The following TRAP1 variants were observed in gnomAD, a reference collection of about 807,000 sequenced individuals.
TRAP1 encodes heat shock protein 75 kDa, mitochondrial.
Under a neutral mutation model 89.1 loss-of-function variants are expected in TRAP1, and 102 were observed. That is an observed-to-expected ratio of 1.15 (90% CI 0.98 to 1.35). The LOEUF is 1.35. Ranked by LOEUF, TRAP1 falls within the 40% of genes most tolerant of loss-of-function variation. The pLI is 0.00. For synonymous variants in TRAP1, 508 were observed against 388.0 expected, an observed-to-expected ratio of 1.31 and a Z score of -3.64; for missense variants, 1,256 against 945.3, an observed-to-expected ratio of 1.33 and a Z score of -4.31.
At chr16:3,684,316 G>C (rs1454828057) in intron 4 of TRAP1, among the ~76,000 whole-genome samples, 1 of 152,188 alleles carries the variant, frequency 6.6e-6, no homozygotes, top group Non-Finnish European at 1.5e-5. Context: ...ATTCAAGCTA[G>C]ACAGTGATAA....
rs899619590 is a variant in TRAP1, at chr16:3,663,525, A to T, written c.1607T>A (p.Leu536Gln). The T allele has an allele frequency of 3.1e-6, 5 of 1,614,152 alleles. No individual in the cohort carries two copies. The highest frequency in any genetic ancestry group is 4.2e-6 in the Non-Finnish European group (5 of 1,180,024). ...FCFEQFDELT[L>Q]LHLREFDKKK... ...CTTGTCAAACTCACGAAGGTGCAGC[A>T]GGGTGAGCTCATCAAACTGCTCAAA... Residue 536 changes from leucine (L) to glutamine (Q), a missense_variant, in exon 14 of 18, where the codon CTG becomes CAG. Coordinates refer to ENST00000246957, the MANE Select transcript of TRAP1 (RefSeq NM_016292.3).
At chr16:3,694,749 A>G (rs2051263717) in intron 1 of TRAP1, among the ~76,000 whole-genome samples, 1 of 152,144 alleles carries the variant, frequency 6.6e-6, no homozygotes, top group African/African-American at 2.4e-5. Context: ...AAGCACTAGG[A>G]TGACAGGTAT....
chr16:3,684,197 G>A (rs1401501898), intron 4 of TRAP1, among the ~76,000 whole-genome samples: 1 of 152,072 alleles, frequency 6.6e-6, no homozygotes, highest in African/African-American at 2.4e-5. Context: ...GAATTTGTGA[G>A]GGTTTACAAC....
intron 16 of TRAP1, chr16:3,659,074 T>TGTA: frequency 1.8e-6 from 1 of 561,092 alleles, no homozygotes; most frequent in East Asian, 3.1e-5. Flanking sequence ...TAGAAAATGC[T>TGTA]GTAAGGTAGC....
chr16:3,705,864 T>C (rs2051436209), intron 1 of TRAP1, among the ~76,000 whole-genome samples: 1 of 150,382 alleles, frequency 6.6e-6, no homozygotes, highest in South Asian at 2.1e-4. Context: ...TATATATATA[T>C]TTTTTTTTAG....
At chr16:3,697,137 C>G (rs2051298888) in intron 1 of TRAP1, among the ~76,000 whole-genome samples, 1 of 152,196 alleles carries the variant, frequency 6.6e-6, no homozygotes, top group African/African-American at 2.4e-5. Context: ...TCCTACATTC[C>G]TGCCAAGTCA....
intron 1 of TRAP1, among the ~76,000 whole-genome samples, chr16:3,693,742 C>T (rs908609849): frequency 2.6e-5 from 4 of 152,150 alleles, no homozygotes; most frequent in African/African-American, 9.7e-5. Context: ...CCTGTAATCC[C>T]AGCACTTTGG....
intron 11 of TRAP1, among the ~76,000 whole-genome samples, chr16:3,668,223 A>T (rs1230172975): frequency 6.6e-6 from 1 of 151,220 alleles, no homozygotes; most frequent in Non-Finnish European, 1.5e-5. Flanking sequence ...CGCCCAGCCT[A>T]ATTTTTCTAT....
intron 1 of TRAP1, among the ~76,000 whole-genome samples, chr16:3,714,752 T>C (rs1452196913): frequency 1.3e-5 from 2 of 152,114 alleles, no homozygotes; most frequent in African/African-American, 2.4e-5. Context: ...GCTGAGCTCA[T>C]GGGTGACTGA....
At chr16:3,669,691 G>A (rs1423231529) in intron 11 of TRAP1, among the ~76,000 whole-genome samples, 1 of 151,818 alleles carries the variant, frequency 6.6e-6, no homozygotes, top group Non-Finnish European at 1.5e-5. Context: ...AAAATTAGCT[G>A]GGCGTGGTGG....
intron 1 of TRAP1, among the ~76,000 whole-genome samples, chr16:3,698,323 T>C (rs554928431): frequency 6.6e-6 from 1 of 152,050 alleles, no homozygotes; most frequent in South Asian, 2.1e-4. Flanking sequence ...AACAACTTTT[T>C]TTTTTTTTTT....
chr16:3,664,091 C>A (rs2050763696), intron 13 of TRAP1, 183 bp downstream of exon 13: 2 of 618,416 alleles, frequency 3.2e-6, no homozygotes, highest in South Asian at 5.5e-5. Flanking sequence ...CAAAAAAAAC[C>A]ACATGTGACC....
chr16:3,689,088 G>A lies in TRAP1; in HGVS notation c.297C>T (p.Asp99=), dbSNP rs1379007462. The part of the protein sequence containing the change: ...EFQAETKKLL[D]IVARSLYSEK... ...CTGAGTACAGGGACCGGGCAACAAT[G>A]TCCAAAAGCTTCTTTGTCTCGGCCT... The change falls in exon 3 of 18, where the codon GAC becomes GAT. Residue 99 remains aspartate (D), a synonymous_variant. Coordinates refer to ENST00000246957, the MANE Select transcript of TRAP1 (RefSeq NM_016292.3). 1.9e-6 allele frequency: 3 copies of A among 1,614,046 alleles called. No individual in the cohort carries two copies. Among genetic ancestry groups the A allele is most frequent in the Non-Finnish European group, 2.5e-6 (3 of 1,179,978 alleles).
intron 13 of TRAP1, chr16:3,663,979 C>A: frequency 2.7e-6 from 1 of 364,230 alleles, no homozygotes; most frequent in African/African-American, 2.1e-5. Flanking sequence ...AGGAGAATGA[C>A]CTGAACCCAG....
In TRAP1 at chr16:3,662,956, G is replaced by A. The variant is rs751304938; in HGVS notation, c.1720C>T (p.Leu574=). 5 of 1,610,258 alleles carry A rather than the reference G, an allele frequency of 3.1e-6. No individual in the cohort carries two copies. In the East Asian group the frequency reaches 1.1e-4, roughly 36 times the overall value. Residue 574 remains leucine, a synonymous_variant, in exon 15 of 18, where the codon CTA becomes TTA. Transcript: ENST00000246957. ...AGCTCCTCCGTCTCCTTCTCTGATA[G>A]GCACTCGGCGGCTGCGGAAGAGCAG... ...FEDRSPAAEC[L]SEKETEELMA...
intron 1 of TRAP1, chr16:3,710,402 G>T (rs2051512915): frequency 6.6e-6 from 1 of 152,170 alleles, no homozygotes; most frequent in African/African-American, 2.4e-5. Flanking sequence ...TTTTGATGTG[G>T]GGACACTTCA....
At chr16:3,706,948 T>C (rs952419271) in intron 1 of TRAP1, among the ~76,000 whole-genome samples, 4 of 152,168 alleles carry the variant, frequency 2.6e-5, no homozygotes, top group African/African-American at 9.7e-5. Context: ...GCTGCAAGAA[T>C]GTTTTCCTGC....
At chr16:3,694,181 G>A (rs865815230) in intron 1 of TRAP1, among the ~76,000 whole-genome samples, 7 of 152,006 alleles carry the variant, frequency 4.6e-5, no homozygotes, top group African/African-American at 9.7e-5. Flanking sequence ...TTCTCTATGT[G>A]AGTCCTGGCT....
chr16:3,695,738 C>T (rs1452980607), intron 1 of TRAP1, among the ~76,000 whole-genome samples: 1 of 152,092 alleles, frequency 6.6e-6, no homozygotes, highest in African/African-American at 2.4e-5. Context: ...CCTCAGAGGA[C>T]AGCACACCAT....
Sources: allele counts gnomAD v4.1 joint callset (sites outside exome capture counted in the v4.1 genomes callset), GRCh38; gene constraint gnomAD v4.1.1; transcripts MANE v1.5; gene names NCBI Gene and HGNC (gene_info 2026-07-23, HGNC 2026-07-21).